The following SMIM31 variants were observed in gnomAD, a reference collection of about 807,000 sequenced individuals.
The protein encoded by SMIM31 is human epithelial cell program regulator.
At chr4:164,784,899 G>GTTTTT (rs112698821) in intron 2 of SMIM31, among the ~76,000 whole-genome samples, 84,444 of 145,838 alleles carry the variant, frequency 0.58, 25,078 homozygotes, top group African/African-American at 0.72. Context: ...ATTTGTTTGG[G>GTTTTT]TTTTTTTTTT....
At chr4:164,787,586 G>A (rs1264782305) in intron 2 of SMIM31, among the ~76,000 whole-genome samples, 1 of 148,432 alleles carries the variant, frequency 6.7e-6, no homozygotes, top group East Asian at 2.0e-4. Context: ...AGTCAGAGTA[G>A]GCCCGCTGTT....
intron 1 of SMIM31, among the ~76,000 whole-genome samples, chr4:164,764,815 A>G (rs1183185483): frequency 6.6e-6 from 1 of 152,184 alleles, no homozygotes; most frequent in East Asian, 1.9e-4. Flanking sequence ...ATATTTGAGG[A>G]TCCCTCTCAT....
At chr4:164,790,422 C>T (rs971111473) in intron 2 of SMIM31, among the ~76,000 whole-genome samples, 1 of 152,216 alleles carries the variant, frequency 6.6e-6, no homozygotes, top group East Asian at 1.9e-4. Flanking sequence ...TAAATTTCAA[C>T]ATGCAAGTAA....
At chr4:164,780,532 A>G (rs1579068478) in intron 2 of SMIM31, among the ~76,000 whole-genome samples, 1 of 152,240 alleles carries the variant, frequency 6.6e-6, no homozygotes, top group African/African-American at 2.4e-5. Flanking sequence ...AGATCAATGA[A>G]TCCTAATACT....
chr4:164,792,462 G>T (rs1485778077), intron 2 of SMIM31, among the ~76,000 whole-genome samples: 1 of 151,932 alleles, frequency 6.6e-6, no homozygotes, highest in Non-Finnish European at 1.5e-5. Flanking sequence ...ATTTAATTAA[G>T]GTTTTCTACA....
chr4:164,773,669 A>G (rs776352496), intron 2 of SMIM31, among the ~76,000 whole-genome samples: 29 of 152,280 alleles, frequency 1.9e-4, no homozygotes, highest in Middle Eastern at 3.4e-3. Flanking sequence ...GTAATTCAAG[A>G]TGAGATTTGG....
intron 1 of SMIM31, among the ~76,000 whole-genome samples, chr4:164,767,362 ATG>A (rs1732733354): frequency 6.6e-6 from 1 of 152,220 alleles, no homozygotes; most frequent in Non-Finnish European, 1.5e-5. Flanking sequence ...ATAAGCTTAA[ATG>A]TGATAGAATA....
At chr4:164,759,173 T>C (rs2110917444) in intron 1 of SMIM31, among the ~76,000 whole-genome samples, 1 of 152,270 alleles carries the variant, frequency 6.6e-6, no homozygotes, top group Non-Finnish European at 1.5e-5. Context: ...TTACTTTTGT[T>C]ATTGTTTTTG....
At chr4:164,766,723 G>C (rs532817438) in intron 1 of SMIM31, among the ~76,000 whole-genome samples, 141 of 152,078 alleles carry the variant, frequency 9.3e-4, no homozygotes, top group African/African-American at 3.3e-3. Flanking sequence ...GCTTGAACCC[G>C]GGAAGCGGAG....
At chr4:164,771,919 A>G (rs1732808147) in intron 2 of SMIM31, among the ~76,000 whole-genome samples, 1 of 152,214 alleles carries the variant, frequency 6.6e-6, no homozygotes, top group South Asian at 2.1e-4. Context: ...CTATAGTGGA[A>G]ATTAGAATGA....
rs1197847052 is a variant in SMIM31 at position 164,803,150 on chromosome 4, T to C, written c.*1956T>C. On this transcript the variant is annotated 3_prime_UTR_variant, in exon 3 of 3. Transcript: ENST00000507311. ...TTGGACTTTTAAGTTTACTGATACG[T>C]TTTTTCAGAAAAGCAGAAAAATCAA... 1 of 152,160 alleles carries C rather than the reference T, an allele frequency of 6.6e-6. No homozygotes were observed. Among genetic ancestry groups the C allele is most frequent in the Non-Finnish European group, 1.5e-5 (1 of 68,028 alleles). The allele number at this position is 152,160 out of a possible 1,614,324, so 9.4% of individuals were successfully genotyped here.
chr4:164,787,238 T>C (rs1733036138), intron 2 of SMIM31: 1 of 152,164 alleles, frequency 6.6e-6, no homozygotes, highest in East Asian at 1.9e-4. Context: ...AGATACTAAA[T>C]GGTGTGCCAA....
intron 2 of SMIM31, among the ~76,000 whole-genome samples, chr4:164,771,698 A>T (rs1382253903): frequency 6.6e-6 from 1 of 152,064 alleles, no homozygotes; most frequent in Non-Finnish European, 1.5e-5. Context: ...AGCTCCAGCC[A>T]CTCAGGAGGC....
intron 2 of SMIM31, among the ~76,000 whole-genome samples, chr4:164,772,820 C>T (rs1245093322): frequency 3.3e-5 from 5 of 151,432 alleles, no homozygotes; most frequent in East Asian, 2.0e-4. Context: ...CCTCGTGATC[C>T]GCCCGCCTCG....
rs888858209 is a variant in SMIM31 at position 164,784,295 on chromosome 4, C to T, written c.112+13740C>T. On this transcript the variant is annotated intron_variant, in intron 2 of 2. Coordinates refer to ENST00000507311, the MANE Select transcript of SMIM31 (RefSeq NM_001352885.1). ...CTTTGAGTTATTATAGACTAATGAC[C>T]GCAGTTTGGCTAGCTCTCTAACTGA... Among the ~76,000 whole-genome samples, 8 of 152,266 alleles carry T rather than the reference C, an allele frequency of 5.3e-5. No individual in the cohort carries two copies. In the South Asian group the frequency reaches 1.7e-3, roughly 32 times the overall value.
chr4:164,761,051 T>A lies in SMIM31; in HGVS notation c.-26+6640T>A, dbSNP rs189786501. The stretch of plus-strand genomic sequence containing the variant: ...ATATTTTCTCAAAGCCAATTGCCCA[T>A]CTATGATAAATATTTTATTGCCATT... On this transcript the variant is annotated intron_variant, in intron 1 of 2. Transcript: ENST00000507311. 1.1e-4 allele frequency among the ~76,000 whole-genome samples: 16 copies of A among 152,330 alleles called. No homozygotes were observed. In the East Asian group the frequency reaches 2.9e-3, roughly 28 times the overall value.
chr4:164,788,480 T>C (rs1733057271), intron 2 of SMIM31, among the ~76,000 whole-genome samples: 1 of 73,266 alleles, frequency 1.4e-5, no homozygotes, highest in African/African-American at 7.3e-5. Flanking sequence ...TAATTTTTCT[T>C]TTTTTTTTTT....
intron 2 of SMIM31, among the ~76,000 whole-genome samples, chr4:164,797,588 T>G (rs12711369): frequency 0.73 from 110,845 of 151,220 alleles, 41,171 homozygotes; most frequent in Non-Finnish European, 0.81. Flanking sequence ...CTCAGCCTCC[T>G]GAGTGGCTGG....
chr4:164,774,153 G>A (rs558683969), intron 2 of SMIM31, among the ~76,000 whole-genome samples: 6 of 137,024 alleles, frequency 4.4e-5, no homozygotes, highest in Admixed American at 1.6e-4. Flanking sequence ...GCAACAGAGC[G>A]AGACTCTGTC....
Sources: allele counts gnomAD v4.1 joint callset (sites outside exome capture counted in the v4.1 genomes callset), GRCh38; gene constraint gnomAD v4.1.1; transcripts MANE v1.5; gene names NCBI Gene and HGNC (gene_info 2026-07-23, HGNC 2026-07-21).